SIPA1L1: variants seen among roughly 807,000 people sequenced by gnomAD.
SIPA1L1 encodes the protein signal induced proliferation associated 1 like 1, also known as signal-induced proliferation-associated 1-like protein 1.
A neutral mutation model predicts 162.7 loss-of-function variants in SIPA1L1; 26 were observed. The observed-to-expected ratio is 0.16, with a 90% CI of 0.12 to 0.22. SIPA1L1 has a LOEUF of 0.22. SIPA1L1 is among the 10% of genes least tolerant of loss of function. SIPA1L1 has a pLI of 1.00. For synonymous variants in SIPA1L1, 829 were observed against 837.4 expected (o/e 0.99, Z 0.17); for missense variants, 1,874 against 2,241.0 (o/e 0.84, Z 3.31).
At chr14:71,505,847 G>C (rs1294809585) in intron 2 of SIPA1L1, among the ~76,000 whole-genome samples, 1 of 151,782 alleles carries the variant, frequency 6.6e-6, no homozygotes, top group Non-Finnish European at 1.5e-5. Context: ...TGAAAATATT[G>C]TATGAAATTA....
At chr14:71,678,083 C>G (rs1218822473) in intron 12 of SIPA1L1, among the ~76,000 whole-genome samples, 1 of 152,140 alleles carries the variant, frequency 6.6e-6, no homozygotes, top group Non-Finnish European at 1.5e-5. Flanking sequence ...ATGTCATCTG[C>G]AAACAGGGAC....
At chr14:71,582,193 A>G (rs2147338873) in intron 4 of SIPA1L1, among the ~76,000 whole-genome samples, 1 of 152,160 alleles carries the variant, frequency 6.6e-6, no homozygotes, top group Non-Finnish European at 1.5e-5. Flanking sequence ...AAATTAACCA[A>G]GCATGGTGAG....
intron 2 of SIPA1L1, among the ~76,000 whole-genome samples, chr14:71,384,541 T>C (rs745539619): frequency 4.6e-5 from 7 of 152,196 alleles, no homozygotes; most frequent in Non-Finnish European, 7.4e-5. Flanking sequence ...TTTTATGGCA[T>C]AGAGAATCTC....
chr14:71,647,279 G>A (rs1291010486), intron 7 of SIPA1L1, among the ~76,000 whole-genome samples: 1 of 151,980 alleles, frequency 6.6e-6, no homozygotes, highest in East Asian at 1.9e-4. Context: ...TCAGCAGGTG[G>A]AGCTCACTAG....
intron 13 of SIPA1L1, among the ~76,000 whole-genome samples, chr14:71,696,446 G>A (rs2081635059): frequency 6.6e-6 from 1 of 152,058 alleles, no homozygotes; most frequent in Admixed American, 6.5e-5. Context: ...CCTTTTTCTT[G>A]CATTTTAGAA....
At chr14:71,594,495 C>G (rs1450862760) in intron 5 of SIPA1L1, among the ~76,000 whole-genome samples, 2 of 152,080 alleles carry the variant, frequency 1.3e-5, no homozygotes, top group Non-Finnish European at 2.9e-5. Context: ...CCATAGAATG[C>G]CTTACAATTC....
chr14:71,610,477 A>G (rs998989325), intron 5 of SIPA1L1, among the ~76,000 whole-genome samples: 46 of 152,314 alleles, frequency 3.0e-4, no homozygotes, highest in African/African-American at 1.1e-3. Flanking sequence ...TTTACAGTTT[A>G]TATTTTTGAA....
chr14:71,520,224 G>A (rs2052183102), intron 3 of SIPA1L1, among the ~76,000 whole-genome samples: 1 of 152,078 alleles, frequency 6.6e-6, no homozygotes, highest in South Asian at 2.1e-4. Flanking sequence ...TAATTACAAA[G>A]GGGGAAAGAA....
intron 2 of SIPA1L1, among the ~76,000 whole-genome samples, chr14:71,363,665 A>G (rs893754733): frequency 1.3e-5 from 2 of 152,232 alleles, no homozygotes; most frequent in Admixed American, 1.3e-4. Flanking sequence ...TTGGCAACTG[A>G]GTAAATAATC....
intron 2 of SIPA1L1, among the ~76,000 whole-genome samples, chr14:71,367,314 T>C (rs1202685441): frequency 2.0e-5 from 3 of 151,158 alleles, no homozygotes; most frequent in African/African-American, 4.9e-5. Context: ...TTTTTTTTTT[T>C]TTTTTTTCCC....
intron 17 of SIPA1L1, among the ~76,000 whole-genome samples, chr14:71,719,919 T>C (rs1597209302): frequency 1.3e-5 from 2 of 152,238 alleles, no homozygotes; most frequent in East Asian, 3.8e-4. Flanking sequence ...GTACATTTAT[T>C]ATAGCTTGAG....
chr14:71,396,508 TG>T (rs2041215831), intron 2 of SIPA1L1, among the ~76,000 whole-genome samples: 2 of 152,220 alleles, frequency 1.3e-5, no homozygotes, highest in Non-Finnish European at 2.9e-5. Flanking sequence ...TGGGTTTGTG[TG>T]TTTTTTCTCA....
intron 2 of SIPA1L1, among the ~76,000 whole-genome samples, chr14:71,479,727 TTTTGC>T (rs1452451715): frequency 3.3e-5 from 5 of 151,822 alleles, no homozygotes; most frequent in Non-Finnish European, 5.9e-5. Flanking sequence ...TTTTGTTTTG[TTTTGC>T]TTTGCTTTGT....
At chr14:71,348,617 G>A (rs2140539506) in intron 2 of SIPA1L1, among the ~76,000 whole-genome samples, 1 of 152,294 alleles carries the variant, frequency 6.6e-6, no homozygotes, top group East Asian at 1.9e-4. Context: ...GACTTGCTGT[G>A]TCATAAAGTG....
chr14:71,354,345 T>C (rs1432842760), intron 2 of SIPA1L1, among the ~76,000 whole-genome samples: 1 of 151,610 alleles, frequency 6.6e-6, no homozygotes, highest in Non-Finnish European at 1.5e-5. Flanking sequence ...AGTGGCCATC[T>C]TGGCTCACTG....
chr14:71,667,862 G>A (rs1039647574), intron 10 of SIPA1L1, among the ~76,000 whole-genome samples: 5 of 152,028 alleles, frequency 3.3e-5, no homozygotes, highest in Admixed American at 6.6e-5. Context: ...TCAGGAGATC[G>A]AGACCATCCT....
chr14:71,397,897 T>G (rs1348212718), intron 2 of SIPA1L1, among the ~76,000 whole-genome samples: 1 of 152,134 alleles, frequency 6.6e-6, no homozygotes, highest in Non-Finnish European at 1.5e-5. Context: ...GTGGCAGAGT[T>G]TGTGTTCTAC....
chr14:71,522,055 T>G (rs904130819), intron 3 of SIPA1L1, among the ~76,000 whole-genome samples: 3 of 152,232 alleles, frequency 2.0e-5, no homozygotes, highest in Admixed American at 2.0e-4. Flanking sequence ...ATCTTGGTTT[T>G]GTTTGCCTGA....
intron 12 of SIPA1L1, among the ~76,000 whole-genome samples, chr14:71,674,565 T>G (rs1486923390): frequency 4.7e-4 from 70 of 149,670 alleles, no homozygotes; most frequent in Admixed American, 1.5e-3. Flanking sequence ...TTTTTGTTTT[T>G]TTTTGTTTTT....
Sources: allele counts gnomAD v4.1 joint callset (sites outside exome capture counted in the v4.1 genomes callset), GRCh38; gene constraint gnomAD v4.1.1; transcripts MANE v1.5; gene names NCBI Gene and HGNC (gene_info 2026-07-23, HGNC 2026-07-21).